Variants in KCNJ3 observed in about 807,000 individuals in gnomAD.
KCNJ3 encodes the protein G protein-activated inward rectifier potassium channel 1.
Under a neutral mutation model 39.2 loss-of-function variants are expected in KCNJ3, and 4 were observed. The ratio of observed to expected loss-of-function variants is 0.10; its 90% CI spans 0.05 to 0.23. The LOEUF (loss-of-function observed/expected upper bound fraction) is 0.23. KCNJ3 is among the 10% of genes least tolerant of loss of function. The probability of loss-of-function intolerance (pLI) is 1.00; values close to 1 mark genes in which losing one functional copy is unlikely to be tolerated. For synonymous variants in KCNJ3, 230 were observed against 237.4 expected, an observed-to-expected ratio of 0.97 and a Z score of 0.29; for missense variants, 276 against 634.9, an observed-to-expected ratio of 0.43 and a Z score of 6.08.
At chr2:154,777,107 C>T (rs945850065) in intron 2 of KCNJ3, among the ~76,000 whole-genome samples, 3 of 151,942 alleles carry the variant, frequency 2.0e-5, no homozygotes, top group Admixed American at 1.3e-4. Flanking sequence ...TAAATTTGTC[C>T]GATGGATCAA....
chr2:154,759,100 T>G (rs1256478728), intron 2 of KCNJ3, among the ~76,000 whole-genome samples: 1 of 152,208 alleles, frequency 6.6e-6, no homozygotes, highest in Non-Finnish European at 1.5e-5. Flanking sequence ...TTCTAATCCT[T>G]CTATTAAATG....
chr2:154,803,101 A>G (rs910572134), intron 2 of KCNJ3, among the ~76,000 whole-genome samples: 2 of 152,214 alleles, frequency 1.3e-5, no homozygotes, highest in African/African-American at 4.8e-5. Flanking sequence ...GGTTATTTAG[A>G]TGATCTCCAT....
At position 154,699,297 on chromosome 2, in the gene KCNJ3, C is replaced by T. The variant is rs1684843873; in HGVS notation, c.522C>T (p.Ala174=). 1.2e-6 allele frequency: 2 copies of T among 1,614,038 alleles called. No individual in the cohort carries two copies. The highest frequency in any genetic ancestry group is 1.7e-6 in the Non-Finnish European group (2 of 1,180,048). ...CCATCCTGGGCTCCATCGTGGACGC[C>T]TTCCTCATCGGCTGCATGTTCATCA... ...FQSILGSIVD[A]FLIGCMFIKM... The change falls in exon 1 of 3, where the codon GCC becomes GCT. Residue 174 remains alanine, a synonymous_variant. Coordinates refer to ENST00000295101, the MANE Select transcript of KCNJ3 (RefSeq NM_002239.4). This position sits in a 1 kb window ranked among gnomAD's most constrained non-coding sequence, Gnocchi z 6.4.
rs2971900 is a variant in KCNJ3 at position 154,833,703 on chromosome 2, G to A, written c.920-21024G>A. Among the ~76,000 whole-genome samples, 1,342 of 151,942 alleles carry A rather than the reference G, an allele frequency of 8.8e-3. 24 individuals carry two copies. Among genetic ancestry groups the A allele is most frequent in the African/African-American group, 0.031 (1,271 of 41,428 alleles). On this transcript the variant is annotated intron_variant, in intron 2 of 2. Coordinates refer to ENST00000295101, the MANE Select transcript of KCNJ3 (RefSeq NM_002239.4). ...TGGTATTCTATCTATTCATCCCTCCGTCTCCCTAAACCCCTGGCAATCACT... is the reference window on the plus strand; with the variant it reads ...TGGTATTCTATCTATTCATCCCTCCATCTCCCTAAACCCCTGGCAATCACT...
chr2:154,786,349 TAGAA>T (rs1291081877), intron 2 of KCNJ3, among the ~76,000 whole-genome samples: 1 of 152,174 alleles, frequency 6.6e-6, no homozygotes, highest in Admixed American at 6.5e-5. Context: ...CAAGGGGACA[TAGAA>T]AGCCAAATAT....
chr2:154,709,434 T>C (rs1020530691), intron 1 of KCNJ3, 169 bp from the exon 2 acceptor site: 9 of 640,964 alleles, frequency 1.4e-5, no homozygotes, highest in South Asian at 2.0e-5. Context: ...ATGAGCTATG[T>C]GGGATTTCGG....
At chr2:154,815,169 T>C (rs1687061403) in intron 2 of KCNJ3, among the ~76,000 whole-genome samples, 1 of 152,236 alleles carries the variant, frequency 6.6e-6, no homozygotes, top group African/African-American at 2.4e-5. Context: ...CATATCTCTA[T>C]AGAAATTATT....
rs569610710 is a variant in KCNJ3, at chr2:154,852,637, A to T, written c.920-2090A>T. ...ATTCTAGATACTTTTCTTTATCTTTAAATTTCTCAAAATAAAACCAAGTAA... is the reference window on the plus strand; with the variant it reads ...ATTCTAGATACTTTTCTTTATCTTTTAATTTCTCAAAATAAAACCAAGTAA... On this transcript the variant is annotated intron_variant, in intron 2 of 2. Transcript: ENST00000295101. Among the ~76,000 whole-genome samples the T allele has an allele frequency of 4.6e-5, 7 of 152,240 alleles. No homozygotes were observed. The East Asian group carries it at 1.4e-3, about 29-fold the overall frequency.
intron 2 of KCNJ3, among the ~76,000 whole-genome samples, chr2:154,760,644 C>G (rs1467020417): frequency 6.6e-6 from 1 of 151,862 alleles, no homozygotes; most frequent in East Asian, 1.9e-4. Context: ...GCCTCAACCT[C>G]CTGGGCTGAA....
intron 2 of KCNJ3, among the ~76,000 whole-genome samples, chr2:154,843,947 A>T (rs1397123628): frequency 6.6e-6 from 1 of 152,120 alleles, no homozygotes; most frequent in African/African-American, 2.4e-5. Context: ...ACTTCTGTCA[A>T]CTCGTCAAAG....
chr2:154,807,161 T>A (rs927081061), intron 2 of KCNJ3, among the ~76,000 whole-genome samples: 5 of 152,194 alleles, frequency 3.3e-5, no homozygotes, highest in African/African-American at 1.2e-4. Context: ...GGAAGCTCCT[T>A]GAATAGTGGC....
At chr2:154,835,028 T>C (rs577778555) in intron 2 of KCNJ3, among the ~76,000 whole-genome samples, 1 of 151,954 alleles carries the variant, frequency 6.6e-6, no homozygotes, top group Non-Finnish European at 1.5e-5. Flanking sequence ...TTAAATATCA[T>C]TACCTCCGAT....
rs537350063 is a variant in KCNJ3 at position 154,704,523 on chromosome 2, T to C, written c.702+5046T>C. 5.3e-5 allele frequency among the ~76,000 whole-genome samples: 8 copies of C among 152,286 alleles called. No homozygotes were observed. The South Asian group carries it at 1.7e-3, about 32-fold the overall frequency. ...TTTCATAAAATTGAACATATTTTTG[T>C]GGGTTAATTGGCTCAGCATTAAAAA... On this transcript the variant is annotated intron_variant, in intron 1 of 2. Coordinates refer to ENST00000295101, the MANE Select transcript of KCNJ3 (RefSeq NM_002239.4).
intron 2 of KCNJ3, among the ~76,000 whole-genome samples, chr2:154,809,576 C>A (rs1317629223): frequency 6.6e-6 from 1 of 152,084 alleles, no homozygotes; most frequent in Admixed American, 6.6e-5. Flanking sequence ...ATTTTAGCAC[C>A]GTCTACCACA....
chr2:154,702,512 C>T lies in KCNJ3; in HGVS notation c.702+3035C>T, dbSNP rs937371605. Among the ~76,000 whole-genome samples the T allele has an allele frequency of 4.6e-5, 7 of 151,864 alleles. 1 individual carries two copies. Among genetic ancestry groups the T allele is most frequent in the Admixed American group, 4.6e-4 (7 of 15,234 alleles). Reference sequence around the variant, plus strand: ...TGTATAATAGTTTTTAAATGCCTAACTTTTGATGGAAGTTTTTTGTAAAAC... The same window carrying T: ...TGTATAATAGTTTTTAAATGCCTAATTTTTGATGGAAGTTTTTTGTAAAAC... On this transcript the variant is annotated intron_variant, in intron 1 of 2. Transcript: ENST00000295101.
At chr2:154,718,920 G>T (rs1209718601) in intron 2 of KCNJ3, among the ~76,000 whole-genome samples, 1 of 152,030 alleles carries the variant, frequency 6.6e-6, no homozygotes, top group Non-Finnish European at 1.5e-5. Context: ...CAAGCCTTAT[G>T]GATAATCTAG....
chr2:154,741,316 A>AAAC (rs1281737555), intron 2 of KCNJ3, among the ~76,000 whole-genome samples: 2 of 151,988 alleles, frequency 1.3e-5, no homozygotes, highest in African/African-American at 4.8e-5. Flanking sequence ...TCTCCAGGAT[A>AAAC]AACTATAAGC....
intron 2 of KCNJ3, among the ~76,000 whole-genome samples, chr2:154,836,639 T>C (rs1224270308): frequency 6.6e-6 from 1 of 152,212 alleles, no homozygotes; most frequent in African/African-American, 2.4e-5. Flanking sequence ...GTGATTATTA[T>C]TGTGATGCAT....
chr2:154,770,387 A>G (rs930567712), intron 2 of KCNJ3, among the ~76,000 whole-genome samples: 1 of 152,182 alleles, frequency 6.6e-6, no homozygotes, highest in African/African-American at 2.4e-5. Context: ...TAGCTCTTGG[A>G]AACTGGGAGG....
Sources: allele counts gnomAD v4.1 joint callset (sites outside exome capture counted in the v4.1 genomes callset), GRCh38; gene constraint gnomAD v4.1.1; non-coding constraint Gnocchi (gnomAD v3.1); transcripts MANE v1.5; gene names NCBI Gene and HGNC (gene_info 2026-07-23, HGNC 2026-07-21).